The following GUCA1C variants were observed in gnomAD, a reference collection of about 807,000 sequenced individuals.
GUCA1C encodes guanylyl cyclase-activating protein 3.
Under a neutral mutation model 16.2 loss-of-function variants are expected in GUCA1C, and 15 were observed. That is an observed-to-expected ratio of 0.93 (90% confidence interval 0.62 to 1.43). The LOEUF is 1.43. Ranked by LOEUF, GUCA1C falls within the 40% of genes most tolerant of loss-of-function variation. GUCA1C has a pLI of 0.00. For missense variants in GUCA1C, 275 were observed against 244.8 expected (o/e 1.12, Z -0.82); for synonymous variants, 78 against 85.4 (o/e 0.91, Z 0.48).
At chr3:108,910,460 T>C (rs911508217) in intron 3 of GUCA1C, among the ~76,000 whole-genome samples, 4 of 149,006 alleles carry the variant, frequency 2.7e-5, no homozygotes, top group Non-Finnish European at 5.9e-5. Flanking sequence ...ATGGCGCCAC[T>C]GCACTCCAGC....
intron 1 of GUCA1C, among the ~76,000 whole-genome samples, chr3:108,937,793 G>A (rs1257771362): frequency 6.6e-6 from 1 of 152,000 alleles, no homozygotes; most frequent in Non-Finnish European, 1.5e-5. Context: ...ACAGAAGGAG[G>A]GGAACGCGGT....
chr3:108,942,225 A>G (rs1163013664), intron 1 of GUCA1C, among the ~76,000 whole-genome samples: 1 of 152,222 alleles, frequency 6.6e-6, no homozygotes, highest in African/African-American at 2.4e-5. Context: ...TAAAATGCAT[A>G]AAAGGGTGAC....
chr3:108,939,324 C>CTTGTTTTTTTTTTTTTTTTT (rs1946761293), intron 1 of GUCA1C, among the ~76,000 whole-genome samples: 3 of 32,912 alleles, frequency 9.1e-5, no homozygotes, highest in Non-Finnish European at 1.2e-4. Context: ...TGCTTCAAGG[C>CTTGTTTTTTTTTTTTTTTTT]TTTTTTTTTT....
chr3:108,934,017 G>T (rs1392615065), intron 1 of GUCA1C, among the ~76,000 whole-genome samples: 1 of 152,178 alleles, frequency 6.6e-6, no homozygotes, highest in Non-Finnish European at 1.5e-5. Flanking sequence ...ATGAGTTCAT[G>T]TCCTTTGCAG....
chr3:108,923,820 ATT>A (rs1275207903), intron 1 of GUCA1C, among the ~76,000 whole-genome samples: 1 of 152,102 alleles, frequency 6.6e-6, no homozygotes, highest in Non-Finnish European at 1.5e-5. Flanking sequence ...GTCATCAATG[ATT>A]TCTTTCAGCA....
intron 3 of GUCA1C, among the ~76,000 whole-genome samples, chr3:108,909,662 A>G (rs1183347155): frequency 2.0e-5 from 3 of 152,242 alleles, no homozygotes; most frequent in African/African-American, 7.2e-5. Context: ...GAACCGGGAT[A>G]TAGTAGTGGT....
At chr3:108,908,596 G>T (rs1946415286) in intron 3 of GUCA1C, among the ~76,000 whole-genome samples, 1 of 152,100 alleles carries the variant, frequency 6.6e-6, no homozygotes, top group Non-Finnish European at 1.5e-5. Context: ...TACTCACAAG[G>T]CTATTTTCAA....
At position 108,950,339 on chromosome 3, in the gene GUCA1C, T is replaced by C. The variant is rs147458491; in HGVS notation, c.204+3220A>G. On this transcript the variant is annotated intron_variant, in intron 1 of 3. Coordinates refer to ENST00000261047, the MANE Select transcript of GUCA1C (RefSeq NM_005459.4). ...GATTCCATATCTTGCCTGTTGTGAATAGTGCTGCAATAAACATGGAGTGCA... is the reference window on the plus strand; with the variant it reads ...GATTCCATATCTTGCCTGTTGTGAACAGTGCTGCAATAAACATGGAGTGCA... Among the ~76,000 whole-genome samples, 302 of 152,354 alleles carry C rather than the reference T, an allele frequency of 2.0e-3. 1 individual carries two copies. Among genetic ancestry groups the C allele is most frequent in the Non-Finnish European group, 3.3e-3 (222 of 68,042 alleles).
intron 1 of GUCA1C, among the ~76,000 whole-genome samples, chr3:108,930,737 C>T (rs1946659191): frequency 6.6e-6 from 1 of 152,122 alleles, no homozygotes; most frequent in Non-Finnish European, 1.5e-5. Context: ...AATGGGTCTC[C>T]TAAAAGAAAT....
chr3:108,923,714 T>C (rs1946592231), intron 1 of GUCA1C, among the ~76,000 whole-genome samples: 1 of 152,140 alleles, frequency 6.6e-6, no homozygotes, highest in African/African-American at 2.4e-5. Flanking sequence ...TGATGGGAGT[T>C]GCGTTTAATT....
chr3:108,916,970 C>T (rs1207281928), intron 2 of GUCA1C, among the ~76,000 whole-genome samples: 1 of 152,162 alleles, frequency 6.6e-6, no homozygotes, highest in Non-Finnish European at 1.5e-5. Flanking sequence ...AATTAGAGGA[C>T]ACAATCATAA....
intron 1 of GUCA1C, among the ~76,000 whole-genome samples, chr3:108,924,124 A>T (rs1325637497): frequency 6.6e-6 from 1 of 152,092 alleles, no homozygotes; most frequent in Non-Finnish European, 1.5e-5. Context: ...CTCTTTACTG[A>T]TTTGGATTCC....
intron 1 of GUCA1C, among the ~76,000 whole-genome samples, chr3:108,939,449 C>T (rs1211240213): frequency 1.3e-5 from 2 of 149,348 alleles, no homozygotes; most frequent in African/African-American, 2.5e-5. Flanking sequence ...GCCTCAGCCA[C>T]CCGAGTCGCT....
chr3:108,944,075 AAAG>A (rs1946818450), intron 1 of GUCA1C, among the ~76,000 whole-genome samples: 1 of 152,198 alleles, frequency 6.6e-6, no homozygotes, highest in East Asian at 1.9e-4. Flanking sequence ...CATATAAAGA[AAAG>A]AAATATATTT....
intron 3 of GUCA1C, among the ~76,000 whole-genome samples, chr3:108,914,182 T>A (rs1195799591): frequency 6.6e-6 from 1 of 152,218 alleles, no homozygotes; most frequent in East Asian, 1.9e-4. Context: ...GCTGACTTAT[T>A]GTTGTAAGTG....
intron 1 of GUCA1C, among the ~76,000 whole-genome samples, chr3:108,930,470 C>T (rs986885944): frequency 6.6e-6 from 1 of 152,168 alleles, no homozygotes; most frequent in Non-Finnish European, 1.5e-5. Flanking sequence ...AATAAGATTA[C>T]CACAATATTT....
intron 1 of GUCA1C, among the ~76,000 whole-genome samples, chr3:108,939,635 CT>C (rs34695037): frequency 0.21 from 29,995 of 145,938 alleles, 3,063 homozygotes; most frequent in Admixed American, 0.24. Flanking sequence ...CCAAGGCTGA[CT>C]TTTTTTTTTT....
At chr3:108,932,595 G>A (rs899202612) in intron 1 of GUCA1C, among the ~76,000 whole-genome samples, 4 of 152,050 alleles carry the variant, frequency 2.6e-5, no homozygotes, top group African/African-American at 9.7e-5. Context: ...TGACCCATAT[G>A]GCTCAGTCTC....
chr3:108,937,758 C>G (rs1470857322), intron 1 of GUCA1C, among the ~76,000 whole-genome samples: 1 of 152,154 alleles, frequency 6.6e-6, no homozygotes, highest in Non-Finnish European at 1.5e-5. Context: ...ACCATAGCAT[C>G]TAGAGTTCTA....
Sources: allele counts gnomAD v4.1 joint callset (sites outside exome capture counted in the v4.1 genomes callset), GRCh38; gene constraint gnomAD v4.1.1; transcripts MANE v1.5; gene names NCBI Gene and HGNC (gene_info 2026-07-23, HGNC 2026-07-21).